Variants in NFATC1 observed in about 807,000 individuals in gnomAD.
The protein encoded by NFATC1 is nuclear factor of activated T-cells, cytoplasmic 1.
A neutral mutation model predicts 76.0 loss-of-function variants in NFATC1; 22 were observed. The observed-to-expected ratio is 0.29, with a 90% CI of 0.21 to 0.41. The LOEUF (loss-of-function observed/expected upper bound fraction) is 0.41. NFATC1 is among the 10% of genes least tolerant of loss of function. NFATC1 has a pLI of 1.00. For synonymous variants in NFATC1, 704 were observed against 613.1 expected (o/e 1.15, Z -2.19); for missense variants, 1,357 against 1,337.7 (o/e 1.01, Z -0.23).
In NFATC1 at chr18:79,483,594, C is replaced by CACTCCGGCGTGACCTCGTTCCTGGGGT. The variant is rs1569018235; in HGVS notation, c.2093-2654_2093-2653insACTCCGGCGTGACCTCGTTCCTGGGGT. 9.8e-4 allele frequency among the ~76,000 whole-genome samples: 92 copies of CACTCCGGCGTGACCTCGTTCCTGGGGT among 94,168 alleles called. 11 individuals carry two copies. The highest frequency in any genetic ancestry group is 3.2e-3 in the African/African-American group (67 of 20,794). 61.8% of individuals were successfully genotyped at this position (94,168 alleles called of 152,430 possible). A position where few individuals can be genotyped will look rare whatever the true frequency, so the allele number is the denominator to read the frequency against. ...CTCCGGCGTGACCTGGTTCCTGGGGCGTCACTCCGGCGTGACCTCGTTCCT... is the reference window on the plus strand; with the variant it reads ...CTCCGGCGTGACCTGGTTCCTGGGGCACTCCGGCGTGACCTCGTTCCTGGGGTGTCACTCCGGCGTGACCTCGTTCCT... On this transcript the variant is annotated intron_variant, in intron 8 of 9. Coordinates refer to ENST00000427363, the MANE Select transcript of NFATC1 (RefSeq NM_001278669.2).
At chr18:79,467,385 C>A in intron 7 of NFATC1, 65 bp from the exon 8 acceptor site, 1 of 1,448,870 alleles carries the variant, frequency 6.9e-7, no homozygotes, top group South Asian at 1.4e-5. Flanking sequence ...CGTGTGGCCG[C>A]CGTGGCGCGG....
At chr18:79,400,173 A>AAT (rs2085140721) in intron 1 of NFATC1, 2 of 1,127,696 alleles carry the variant, frequency 1.8e-6, no homozygotes, top group African/African-American at 1.6e-5. Context: ...AGTTTATTTA[A>AAT]AAACTCGTGT....
intron 2 of NFATC1, 141 bp from the exon 3 acceptor site, chr18:79,433,438 C>T: frequency 1.0e-6 from 1 of 993,800 alleles, no homozygotes; most frequent in Non-Finnish European, 1.5e-6. Flanking sequence ...TGCATTGACA[C>T]AGGCTTCTCC....
chr18:79,486,986 G>A (rs377633264), intron 9 of NFATC1, 49 bp downstream of exon 9: 176 of 1,532,746 alleles, frequency 1.1e-4, no homozygotes, highest in Admixed American at 1.7e-4. Context: ...GCGCCATGGC[G>A]TGAGCTCATG....
chr18:79,447,844 C>T (rs2087279971), intron 3 of NFATC1, among the ~76,000 whole-genome samples: 1 of 152,234 alleles, frequency 6.6e-6, no homozygotes, highest in South Asian at 2.1e-4. Flanking sequence ...CTGCTGAAGG[C>T]GGAACCACGC....
chr18:79,486,376 A>G lies in NFATC1; in HGVS notation c.2221A>G (p.Ser741Gly). 1 of 1,612,934 alleles carries G rather than the reference A, an allele frequency of 6.2e-7. No individual in the cohort carries two copies. Residue 741 changes from serine (S) to glycine (G), a missense_variant, in exon 9 of 10, where the codon AGC becomes GGC. Coordinates refer to ENST00000427363, the MANE Select transcript of NFATC1 (RefSeq NM_001278669.2). ...SQQLAMPPDP[S>G]SCLVAGFPPC... The stretch of plus-strand genomic sequence containing the variant: ...GCAGCTCGCGATGCCACCCGACCCC[A>G]GCTCCTGCCTCGTGGCCGGCTTCCC...
At chr18:79,413,764 G>C (rs578142541) in intron 2 of NFATC1, among the ~76,000 whole-genome samples, 1 of 152,206 alleles carries the variant, frequency 6.6e-6, no homozygotes, top group Non-Finnish European at 1.5e-5. Flanking sequence ...CAGGGATGTC[G>C]TGTTCTGGCA....
rs928208322 is a variant in NFATC1 at position 79,527,916 on chromosome 18, T to A, written c.*339T>A. The A allele has an allele frequency of 5.4e-5, 24 of 443,640 alleles. No homozygotes were observed. Among genetic ancestry groups the A allele is most frequent in the Non-Finnish European group, 2.4e-5 (6 of 251,108 alleles). 27.5% of individuals were successfully genotyped at this position (443,640 alleles called of 1,614,324 possible). ...CCCAGCCCTTCTGGCACCCCTGGGG[T>A]TCAATACTGGAAGTGCCTTATTTAA... On this transcript the variant is annotated 3_prime_UTR_variant, in exon 10 of 10. Transcript: ENST00000427363.
At chr18:79,517,620 GA>G (rs1382624319) in intron 9 of NFATC1, among the ~76,000 whole-genome samples, 1 of 152,194 alleles carries the variant, frequency 6.6e-6, no homozygotes, top group Non-Finnish European at 1.5e-5. Flanking sequence ...TAGTGTAAAG[GA>G]AAATGACAAC....
At chr18:79,458,711 A>G (rs2087883288) in intron 6 of NFATC1, among the ~76,000 whole-genome samples, 1 of 152,360 alleles carries the variant, frequency 6.6e-6, no homozygotes, top group East Asian at 1.9e-4. Flanking sequence ...CCTTCCTGCC[A>G]GGGGCTGAGT....
At chr18:79,484,928 C>T (rs991652028) in intron 8 of NFATC1, among the ~76,000 whole-genome samples, 1 of 152,268 alleles carries the variant, frequency 6.6e-6, no homozygotes, top group Non-Finnish European at 1.5e-5. Flanking sequence ...AAAACGCCGT[C>T]TCCATCGTTC....
chr18:79,404,733 T>TC (rs2085376257), intron 1 of NFATC1, among the ~76,000 whole-genome samples: 1 of 152,214 alleles, frequency 6.6e-6, no homozygotes, highest in Non-Finnish European at 1.5e-5. Context: ...AGTGCTGGCC[T>TC]GATGCGCAAG....
rs1308187853 is a variant in NFATC1 at position 79,527,683 on chromosome 18, A to G, written c.*106A>G. ...ACACCTGGTACCACTCAGAACCTCCAACTGACTGAATGCCAGGAGCTGAAC... is the reference window on the plus strand; with the variant it reads ...ACACCTGGTACCACTCAGAACCTCCGACTGACTGAATGCCAGGAGCTGAAC... On this transcript the variant is annotated 3_prime_UTR_variant, in exon 10 of 10. Transcript: ENST00000427363. 1 of 984,050 alleles carries G rather than the reference A, an allele frequency of 1.0e-6. No homozygotes were observed. Among genetic ancestry groups the G allele is most frequent in the Non-Finnish European group, 1.6e-6 (1 of 626,622 alleles). The allele number at this position is 984,050 out of a possible 1,614,324, so 61.0% of individuals were successfully genotyped here.
At chr18:79,485,082 G>T (rs1291688808) in intron 8 of NFATC1, among the ~76,000 whole-genome samples, 1 of 152,238 alleles carries the variant, frequency 6.6e-6, no homozygotes, top group Non-Finnish European at 1.5e-5. Context: ...GCTCTCTGTG[G>T]TGGCGACTGT....
At chr18:79,523,099 G>C (rs929225517) in intron 9 of NFATC1, among the ~76,000 whole-genome samples, 1 of 152,190 alleles carries the variant, frequency 6.6e-6, no homozygotes, top group East Asian at 1.9e-4. Flanking sequence ...TGCCTTTGCC[G>C]CTCCCGGGGC....
At chr18:79,418,276 C>T (rs1271067920) in intron 2 of NFATC1, among the ~76,000 whole-genome samples, 2 of 152,186 alleles carry the variant, frequency 1.3e-5, no homozygotes, top group Admixed American at 1.3e-4. Context: ...CAGTCAGGCG[C>T]TTAACGGCCA....
rs565670974 is a variant in NFATC1 at position 79,396,207 on chromosome 18, CCCG to C, written c.-7_-5del. On this transcript the variant is annotated 5_prime_UTR_variant, in exon 1 of 10. Coordinates refer to ENST00000427363, the MANE Select transcript of NFATC1 (RefSeq NM_001278669.2). Reference sequence around the variant, plus strand: ...TGTGCCTCCGCCCGCCGCTCCACTCCCCGCCGCCGCCGCGCGGATGCCAAGCAC... The same window carrying C: ...TGTGCCTCCGCCCGCCGCTCCACTCCCCGCCGCCGCGCGGATGCCAAGCAC... The C allele has an allele frequency of 1.5e-4, 215 of 1,466,532 alleles. No homozygotes were observed. Among genetic ancestry groups the C allele is most frequent in the Middle Eastern group, 9.3e-4 (4 of 4,304 alleles). 90.8% of individuals were successfully genotyped at this position (1,466,532 alleles called of 1,614,324 possible).
chr18:79,514,494 A>T (rs1335353066), intron 9 of NFATC1, among the ~76,000 whole-genome samples: 1 of 137,016 alleles, frequency 7.3e-6, no homozygotes, highest in East Asian at 2.3e-4. Context: ...TAAGCCTGGG[A>T]GATCAAGGCT....
chr18:79,425,028 T>C (rs560472857), intron 2 of NFATC1, among the ~76,000 whole-genome samples: 2 of 148,574 alleles, frequency 1.3e-5, no homozygotes, highest in Non-Finnish European at 2.9e-5. Context: ...TGTCTCCATC[T>C]CTCTCCATCT....
Sources: allele counts gnomAD v4.1 joint callset (sites outside exome capture counted in the v4.1 genomes callset), GRCh38; gene constraint gnomAD v4.1.1; transcripts MANE v1.5; gene names NCBI Gene and HGNC (gene_info 2026-07-23, HGNC 2026-07-21).